The following ERBB4 variants were observed in gnomAD, a reference collection of about 807,000 sequenced individuals.
ERBB4 encodes erb-b2 receptor tyrosine kinase 4, also known as receptor tyrosine-protein kinase erbB-4.
Under a neutral mutation model 158.0 loss-of-function variants are expected in ERBB4, and 42 were observed. The observed-to-expected ratio is 0.27, with a 90% confidence interval of 0.21 to 0.34. ERBB4 has a LOEUF of 0.34. ERBB4 is among the 10% of genes least tolerant of loss of function. ERBB4 has a pLI of 1.00. For synonymous variants in ERBB4, 583 were observed against 558.7 expected (o/e 1.04, Z -0.61); for missense variants, 1,333 against 1,624.1 (o/e 0.82, Z 3.08).
rs537704781 is a variant in ERBB4 at position 212,083,083 on chromosome 2, C to T, written c.234+41669G>A. 4.6e-5 allele frequency among the ~76,000 whole-genome samples: 7 copies of T among 151,594 alleles called. No homozygotes were observed. The South Asian group carries it at 6.3e-4, about 14-fold the overall frequency. The stretch of plus-strand genomic sequence containing the variant: ...AGCCATTAAGATAAACTTAGGTACA[C>T]GGAGAAAAGATAAGAAAAGGCCCAT... On this transcript the variant is annotated intron_variant, in intron 2 of 27. Coordinates refer to ENST00000342788, the MANE Select transcript of ERBB4 (RefSeq NM_005235.3).
chr2:212,321,208 TTATGA>T, intron 1 of ERBB4, among the ~76,000 whole-genome samples: 2 of 150,568 alleles, frequency 1.3e-5, no homozygotes, highest in Middle Eastern at 3.5e-3. Context: ...CATCGTGTAA[TTATGA>T]TATATTAATG....
intron 2 of ERBB4, among the ~76,000 whole-genome samples, chr2:212,051,752 T>G (rs1410074179): frequency 6.6e-6 from 1 of 152,206 alleles, no homozygotes; most frequent in African/African-American, 2.4e-5. Flanking sequence ...ACTCATCATG[T>G]CCTATTTATT....
chr2:212,313,432 C>T (rs2087134278), intron 1 of ERBB4, among the ~76,000 whole-genome samples: 1 of 150,706 alleles, frequency 6.6e-6, no homozygotes, highest in Non-Finnish European at 1.5e-5. Flanking sequence ...CAGAACATGC[C>T]AAGTGTACAA....
chr2:211,498,589 A>G (rs866097399), intron 20 of ERBB4, among the ~76,000 whole-genome samples: 2 of 152,164 alleles, frequency 1.3e-5, no homozygotes, highest in Non-Finnish European at 1.5e-5. Context: ...CTTTAGGACC[A>G]TTTTTTCAAA....
intron 2 of ERBB4, among the ~76,000 whole-genome samples, chr2:212,026,380 A>G (rs1413755146): frequency 6.6e-6 from 1 of 151,770 alleles, no homozygotes; most frequent in Non-Finnish European, 1.5e-5. Context: ...TTCATCGTTG[A>G]GCTCACAATA....
At chr2:211,862,668 A>G (rs2078091199) in intron 3 of ERBB4, among the ~76,000 whole-genome samples, 1 of 152,242 alleles carries the variant, frequency 6.6e-6, no homozygotes, top group African/African-American at 2.4e-5. Flanking sequence ...CTTTGCTCAA[A>G]GAATTTAAAA....
chr2:211,576,070 T>C (rs1165320323), intron 19 of ERBB4, among the ~76,000 whole-genome samples: 1 of 150,440 alleles, frequency 6.6e-6, no homozygotes, highest in East Asian at 2.0e-4. Flanking sequence ...CAGCAATGAG[T>C]ACAAATCTGC....
chr2:212,059,412 T>A (rs566130939), intron 2 of ERBB4, among the ~76,000 whole-genome samples: 1 of 152,208 alleles, frequency 6.6e-6, no homozygotes, highest in Admixed American at 6.5e-5. Context: ...AAGCTACCAA[T>A]GACTTTCTTC....
chr2:211,684,808 T>C (rs1365862856), intron 12 of ERBB4, among the ~76,000 whole-genome samples: 2 of 152,190 alleles, frequency 1.3e-5, no homozygotes, highest in South Asian at 4.1e-4. Flanking sequence ...TTCCACATCC[T>C]GATGACTTCA....
intron 19 of ERBB4, among the ~76,000 whole-genome samples, chr2:211,589,665 G>T (rs574494273): frequency 1.3e-5 from 2 of 151,964 alleles, no homozygotes; most frequent in African/African-American, 2.4e-5. Flanking sequence ...GTATCAAAAC[G>T]AATAGCTAAT....
chr2:211,781,892 G>A (rs73069365), intron 4 of ERBB4, among the ~76,000 whole-genome samples: 3,066 of 152,176 alleles, frequency 0.02, 105 homozygotes, highest in African/African-American at 0.069. Flanking sequence ...GTCCTCCCAC[G>A]CCAGACTTGG....
At chr2:212,041,528 TGAGGAATATAAA>T (rs2077141142) in intron 2 of ERBB4, among the ~76,000 whole-genome samples, 1 of 151,526 alleles carries the variant, frequency 6.6e-6, no homozygotes. Flanking sequence ...TTTAATGACC[TGAGGAATATAAA>T]ATGAGATAAA....
At chr2:212,308,658 T>C (rs1364986437) in intron 1 of ERBB4, among the ~76,000 whole-genome samples, 1 of 151,012 alleles carries the variant, frequency 6.6e-6, no homozygotes, top group Non-Finnish European at 1.5e-5. Context: ...TTAGCAATGA[T>C]CACTAGAAAA....
intron 1 of ERBB4, among the ~76,000 whole-genome samples, chr2:212,429,463 G>C (rs1381809825): frequency 6.6e-6 from 1 of 152,166 alleles, no homozygotes; most frequent in Non-Finnish European, 1.5e-5. Flanking sequence ...GGATAGCTGA[G>C]TATATCAAAG....
At chr2:212,209,681 G>A (rs568422679) in intron 1 of ERBB4, among the ~76,000 whole-genome samples, 209 of 152,190 alleles carry the variant, frequency 1.4e-3, no homozygotes, top group Middle Eastern at 6.8e-3. Context: ...TCCATAAGGA[G>A]GGAATTAAGA....
chr2:212,058,581 G>A (rs935021525), intron 2 of ERBB4, among the ~76,000 whole-genome samples: 3 of 152,076 alleles, frequency 2.0e-5, no homozygotes, highest in Admixed American at 6.5e-5. Context: ...ACATCAAAAA[G>A]CTTATCCACC....
At chr2:212,339,293 T>C (rs930102439) in intron 1 of ERBB4, among the ~76,000 whole-genome samples, 1 of 152,162 alleles carries the variant, frequency 6.6e-6, no homozygotes, top group African/African-American at 2.4e-5. Flanking sequence ...ATTAGTTTGC[T>C]GAGGATAATG....
intron 16 of ERBB4, among the ~76,000 whole-genome samples, chr2:211,650,511 G>A (rs2070942955): frequency 6.6e-6 from 1 of 152,022 alleles, no homozygotes; most frequent in African/African-American, 2.4e-5. Context: ...GCAAACAGAT[G>A]TTTTTCCTCG....
intron 20 of ERBB4, among the ~76,000 whole-genome samples, chr2:211,488,732 C>A (rs1406750780): frequency 6.6e-6 from 1 of 152,014 alleles, no homozygotes; most frequent in African/African-American, 2.4e-5. Flanking sequence ...AAGAGTCTGT[C>A]CTCATCTTGC....
Sources: gnomAD v4.1 joint callset for allele counts (sites outside exome capture counted in the v4.1 genomes callset) on GRCh38, gnomAD v4.1.1 for gene constraint, MANE v1.5 for transcripts, NCBI Gene and HGNC (gene_info 2026-07-23, HGNC 2026-07-21) for gene names.